DUT: variants seen among roughly 807,000 people sequenced by gnomAD.
DUT encodes the protein deoxyuridine 5'-triphosphate nucleotidohydrolase, mitochondrial.
In DUT, 21 loss-of-function variants were observed where a neutral mutation model predicts 28.8. The observed-to-expected ratio is 0.73, with a 90% CI of 0.52 to 1.05. DUT has a LOEUF of 1.05. Among genes scored for constraint, DUT ranks in the 50% least tolerant of loss-of-function variants. The probability of loss-of-function intolerance (pLI) is 0.00; values close to 1 mark genes in which losing one functional copy is unlikely to be tolerated. For missense variants in DUT, 344 were observed against 351.8 expected (o/e 0.98, Z 0.18); for synonymous variants, 147 against 143.7 (o/e 1.02, Z -0.17).
chr15:48,342,135 A>AG lies in DUT; in HGVS notation c.*57_*58insG. On this transcript the variant is annotated 3_prime_UTR_variant, in exon 7 of 7. Transcript: ENST00000331200. ...ATACCTTTTTCTTAAAAAAAAAAAAAAAGTTTTTGCTTCAAGTGTTTTGGT... is the reference window on the plus strand; with the variant it reads ...ATACCTTTTTCTTAAAAAAAAAAAAAGAAGTTTTTGCTTCAAGTGTTTTGGT... 7.3e-7 allele frequency: 1 copy of AG among 1,371,536 alleles called. No individual in the cohort carries two copies. The highest frequency in any genetic ancestry group is 9.7e-7 in the Non-Finnish European group (1 of 1,025,860). 85.0% of individuals were successfully genotyped at this position (1,371,536 alleles called of 1,614,324 possible).
Position 48,341,377 on chromosome 15 carries a change from A to C in DUT, c.631+14A>C. On this transcript the variant is annotated intron_variant, in intron 5 of 6. Transcript: ENST00000331200. ...AAAAGTTTGAAGGTATGTTAAATAT[A>C]TACATTCACATAATTTTAGTGAATT... The C allele has an allele frequency of 6.3e-7, 1 of 1,587,164 alleles. No individual in the cohort carries two copies. The highest frequency in any genetic ancestry group is 8.6e-7 in the Non-Finnish European group (1 of 1,156,280).
intron 4 of DUT, among the ~76,000 whole-genome samples, chr15:48,340,886 T>G (rs2042526746): frequency 1.3e-5 from 2 of 152,196 alleles, no homozygotes; most frequent in East Asian, 1.9e-4. Context: ...TTTTTATTTA[T>G]GACTCAATCG....
chr15:48,337,511 G>A (rs2042488253), intron 4 of DUT, among the ~76,000 whole-genome samples: 1 of 152,156 alleles, frequency 6.6e-6, no homozygotes, highest in Non-Finnish European at 1.5e-5. Context: ...AAATGATAAT[G>A]TGTATGAAAT....
intron 4 of DUT, among the ~76,000 whole-genome samples, chr15:48,339,175 TGGC>T (rs1415475254): frequency 6.6e-6 from 1 of 152,008 alleles, no homozygotes; most frequent in Non-Finnish European, 1.5e-5. Flanking sequence ...CTAAAAAGAA[TGGC>T]TAACATTTAC....
intron 4 of DUT, among the ~76,000 whole-genome samples, chr15:48,337,408 C>T (rs1413887993): frequency 6.6e-6 from 1 of 152,192 alleles, no homozygotes; most frequent in African/African-American, 2.4e-5. Context: ...GGTCCCAGCT[C>T]TGTCATTAAC....
chr15:48,333,625 C>T (rs993909501), intron 2 of DUT, among the ~76,000 whole-genome samples: 1 of 152,172 alleles, frequency 6.6e-6, no homozygotes, highest in Non-Finnish European at 1.5e-5. Flanking sequence ...ATTGTAAAAT[C>T]TCTTAAATTT....
chr15:48,331,164 G>A (rs562336624), upstream of DUT: 23 of 1,393,726 alleles, frequency 1.7e-5, no homozygotes, highest in East Asian at 3.6e-4. Context: ...GAGCCCGGGA[G>A]TCATGGCTGC....
intron 4 of DUT, 89 bp downstream of exon 4, chr15:48,336,179 T>A (rs2141162466): frequency 8.7e-7 from 1 of 1,144,872 alleles, no homozygotes; most frequent in African/African-American, 1.6e-5. Flanking sequence ...ATTTTATTTT[T>A]AAGAAAAGAA....
In DUT at chr15:48,331,730, C is replaced by T; in HGVS notation, c.215C>T (p.Thr72Ile). ...AGCCAAGGCTGCCGCGGAGCCAGTA[C>T]AGTCGGGGCCGCTGGCTGGAAGGGC... The part of the protein sequence containing the change: ...RLSQGCRGAS[T>I]VGAAGWKGEL... Residue 72 changes from threonine to isoleucine, a missense_variant, in exon 1 of 7, where the codon ACA (threonine) becomes ATA (isoleucine). Physicochemically the swap from Thr to Ile is moderately conservative, Grantham distance 89. Coordinates refer to ENST00000331200, the MANE Select transcript of DUT (RefSeq NM_001025248.2). The T allele has an allele frequency of 5.5e-6, 8 of 1,454,462 alleles. No individual in the cohort carries two copies. Among genetic ancestry groups the T allele is most frequent in the Non-Finnish European group, 7.2e-6 (8 of 1,104,426 alleles). The allele number at this position is 1,454,462 out of a possible 1,614,324, so 90.1% of individuals were successfully genotyped here.
chr15:48,341,536 C>T lies in DUT; in HGVS notation c.653C>T (p.Ala218Val), dbSNP rs942527556. Residue 218 changes from alanine to valine, a missense_variant, in exon 6 of 7, where the codon GCA becomes GTA. Physicochemically the swap from Ala to Val is moderately conservative, Grantham distance 64. Transcript: ENST00000331200. ...GAAGTCAAAAAAGGTGATCGAATTG[C>T]ACAGCTCATTTGCGAACGGATTTTT... ...KFEVKKGDRIAQLICERIFYP... is the reference protein window; with the variant it reads ...KFEVKKGDRIVQLICERIFYP... The T allele has an allele frequency of 1.9e-6, 3 of 1,613,034 alleles. No individual in the cohort carries two copies. Among genetic ancestry groups the T allele is most frequent in the Non-Finnish European group, 2.5e-6 (3 of 1,179,448 alleles).
At chr15:48,331,282 C>A, upstream of DUT, 3 of 1,452,628 alleles carry the variant, frequency 2.1e-6, no homozygotes, top group Admixed American at 2.8e-5. Context: ...AGCAAGAGGG[C>A]TAGGCAGCCA....
chr15:48,340,020 A>G (rs1279934554), intron 4 of DUT: 1 of 152,110 alleles, frequency 6.6e-6, no homozygotes, highest in African/African-American at 2.4e-5. Flanking sequence ...GGGGGTGGGT[A>G]TGCTTTGGGG....
chr15:48,335,861 G>T (rs898442990), intron 3 of DUT, among the ~76,000 whole-genome samples, 185 bp from the exon 4 acceptor site: 7 of 152,176 alleles, frequency 4.6e-5, no homozygotes, highest in African/African-American at 1.7e-4. Flanking sequence ...TTCTAAACTA[G>T]TCTTTCCAAC....
chr15:48,342,087 C>T lies in DUT; in HGVS notation c.*9C>T. On this transcript the variant is annotated 3_prime_UTR_variant, in exon 7 of 7. Transcript: ENST00000331200. ...CCACTGGAAAGAATTAAAATTTATG[C>T]CAAGAACAGAAAACAAGAAGTCATA... The T allele has an allele frequency of 6.5e-7, 1 of 1,537,222 alleles. No individual in the cohort carries two copies. The highest frequency in any genetic ancestry group is 8.7e-7 in the Non-Finnish European group (1 of 1,146,270).
intron 1 of DUT, 118 bp from the exon 2 acceptor site, chr15:48,332,150 G>A: frequency 7.0e-7 from 1 of 1,422,848 alleles, no homozygotes; most frequent in Admixed American, 2.9e-5. Context: ...GGTGGGGCGG[G>A]GCTGGCGGGA....
At chr15:48,335,456 C>G (rs371073054) in intron 3 of DUT, among the ~76,000 whole-genome samples, 1 of 152,068 alleles carries the variant, frequency 6.6e-6, no homozygotes, top group Non-Finnish European at 1.5e-5. Context: ...ATTTATCTTA[C>G]TCTGGTTCAT....
chr15:48,341,848 G>T, intron 6 of DUT, 174 bp from the exon 7 acceptor site: 2 of 587,340 alleles, frequency 3.4e-6, no homozygotes, highest in Non-Finnish European at 5.8e-6. Flanking sequence ...AAGTTATCCA[G>T]TATTCTAATT....
At chr15:48,337,787 C>G (rs1228295905) in intron 4 of DUT, among the ~76,000 whole-genome samples, 1 of 152,132 alleles carries the variant, frequency 6.6e-6, no homozygotes, top group Non-Finnish European at 1.5e-5. Context: ...CCCTTAGGCA[C>G]AAGTTTATCA....
intron 4 of DUT, 67 bp downstream of exon 4, chr15:48,336,157 T>C: frequency 7.7e-7 from 1 of 1,295,506 alleles, no homozygotes; most frequent in South Asian, 1.5e-5. Flanking sequence ...AAAGGTAATA[T>C]TCAAATGACA....
Sources: gnomAD v4.1 joint callset for allele counts (sites outside exome capture counted in the v4.1 genomes callset) on GRCh38, gnomAD v4.1.1 for gene constraint, MANE v1.5 for transcripts, NCBI Gene and HGNC (gene_info 2026-07-23, HGNC 2026-07-21) for gene names.